ITFG2: variants seen among roughly 807,000 people sequenced by gnomAD.
ITFG2 encodes integrin alpha FG-GAP repeat containing 2.
Under a neutral mutation model 54.4 loss-of-function variants are expected in ITFG2, and 36 were observed. The observed-to-expected ratio is 0.66, with a 90% CI of 0.51 to 0.87. ITFG2 has a LOEUF of 0.87. Among genes scored for constraint, ITFG2 ranks in the 40% least tolerant of loss-of-function variants. The pLI is 0.00. For missense variants in ITFG2, 524 were observed against 576.7 expected, an observed-to-expected ratio of 0.91 and a Z score of 0.94; for synonymous variants, 211 against 225.4, an observed-to-expected ratio of 0.94 and a Z score of 0.57.
chr12:2,828,453 G>A (rs572503732), downstream of ITFG2: 51 of 1,507,512 alleles, frequency 3.4e-5, no homozygotes, highest in South Asian at 5.2e-4. Flanking sequence ...TGAGTCCCTA[G>A]GAGAATGGGT....
intron 2 of ITFG2, chr12:2,849,235 A>G: frequency 6.5e-7 from 1 of 1,535,458 alleles, no homozygotes; most frequent in Admixed American, 2.0e-5. Flanking sequence ...GCCCTTCTAG[A>G]AGTGTCCAGG....
chr12:2,823,846 C>T lies in ITFG2; in HGVS notation c.1143C>T (p.Tyr381=), dbSNP rs765013905. The T allele has an allele frequency of 1.9e-6, 3 of 1,612,752 alleles. No homozygotes were observed. The highest frequency in any genetic ancestry group is 1.7e-5 in the Admixed American group (1 of 59,904). The change falls in exon 11 of 12, where the codon TAC becomes TAT. Residue 381 remains tyrosine (Y), a synonymous_variant. Transcript: ENST00000228799. ...CTTTCAACCAGAAGATCTATGTGTA[C>T]TGGGAGGTGCAGCTGGAGCGGATGG... The part of the protein sequence containing the change: ...YVTFNQKIYV[Y]WEVQLERMES...
At chr12:2,819,907 G>A (rs1323748477) in intron 4 of ITFG2, 179 bp from the exon 5 acceptor site, 2 of 640,994 alleles carry the variant, frequency 3.1e-6, no homozygotes, top group East Asian at 3.0e-5. Context: ...GGAACAGATG[G>A]ACCAAATGGA....
intron 4 of ITFG2, chr12:2,819,704 C>G: frequency 6.2e-6 from 1 of 160,968 alleles, no homozygotes; most frequent in East Asian, 1.8e-4. Flanking sequence ...GTAGAGGTAG[C>G]AATTTTAAAT....
At chr12:2,844,760 C>T (rs1283567285) in intron 2 of ITFG2, among the ~76,000 whole-genome samples, 1 of 152,120 alleles carries the variant, frequency 6.6e-6, no homozygotes, top group African/African-American at 2.4e-5. Context: ...TGGACACGAC[C>T]TCCCCTTCCT....
At chr12:2,833,913 G>A (rs541867809), upstream of ITFG2, among the ~76,000 whole-genome samples, 1 of 152,234 alleles carries the variant, frequency 6.6e-6, no homozygotes, top group Non-Finnish European at 1.5e-5. Flanking sequence ...GCAGAGCCAG[G>A]ATCTGATCCC....
intron 6 of ITFG2, 69 bp from the exon 7 acceptor site, chr12:2,821,193 G>C: frequency 8.3e-7 from 1 of 1,207,292 alleles, no homozygotes; most frequent in Non-Finnish European, 1.2e-6. Context: ...GCAGGGATAG[G>C]GGTTACAAAG....
intron 2 of ITFG2, among the ~76,000 whole-genome samples, chr12:2,847,443 G>A (rs778993484): frequency 3.3e-5 from 5 of 152,026 alleles, no homozygotes; most frequent in East Asian, 3.9e-4. Flanking sequence ...CGAGGTGGGC[G>A]GATCACAAGG....
At chr12:2,830,784 T>A in intron 2 of ITFG2, 1 of 1,613,968 alleles carries the variant, frequency 6.2e-7, no homozygotes, top group Non-Finnish European at 8.5e-7. Flanking sequence ...AATCAGGTCC[T>A]GCATCCGGGG....
At chr12:2,820,649 C>T in intron 5 of ITFG2, 75 bp from the exon 6 acceptor site, 2 of 683,034 alleles carry the variant, frequency 2.9e-6, no homozygotes, top group Non-Finnish European at 2.2e-6. Context: ...CGCCCACCCA[C>T]CGCCCCCTGC....
chr12:2,830,677 A>C (rs539562919), intron 2 of ITFG2: 2 of 1,588,818 alleles, frequency 1.3e-6, no homozygotes, highest in African/African-American at 2.7e-5. Context: ...CAGGGTTGTT[A>C]ATGAAAGTGT....
At chr12:2,818,590 G>C in intron 4 of ITFG2, 1 of 420,200 alleles carries the variant, frequency 2.4e-6, no homozygotes, top group East Asian at 5.3e-5. Context: ...TTGAGGCCAG[G>C]AGTTCCAGGC....
intron 2 of ITFG2, among the ~76,000 whole-genome samples, chr12:2,853,413 C>T (rs888789101): frequency 6.6e-6 from 1 of 152,120 alleles, no homozygotes; most frequent in African/African-American, 2.4e-5. Flanking sequence ...GCTGGGATTA[C>T]AGGCGCCTGC....
Position 2,859,394 on chromosome 12 carries a change from T to C in ITFG2, n.621-140T>C, listed in dbSNP as rs772525416. ...TAAGCCCACTGTAGGACTTCTTGGG[T>C]CTTGGGGTGGGAGATTGGGACGAAT... On this transcript the variant is annotated intron_variant and non_coding_transcript_variant, in intron 3 of 3. Transcript: ENST00000537710. The C allele has an allele frequency of 2.4e-5, 38 of 1,613,452 alleles. 2 individuals carry two copies. In the Middle Eastern group the frequency reaches 3.9e-3, roughly 167 times the overall value.
intron 10 of ITFG2, 142 bp from the exon 11 acceptor site, chr12:2,823,628 G>A (rs962847740): frequency 2.9e-6 from 3 of 1,043,176 alleles, no homozygotes; most frequent in Non-Finnish European, 2.7e-6. Flanking sequence ...GTTCCCAACA[G>A]AGAAGAAATA....
intron 1 of ITFG2, among the ~76,000 whole-genome samples, chr12:2,814,087 G>A (rs117701901): frequency 1.3e-3 from 204 of 152,256 alleles, no homozygotes; most frequent in Non-Finnish European, 2.1e-3. Flanking sequence ...GGGACTACAG[G>A]TGCCTGCCAC....
chr12:2,830,063 C>T (rs1027656389), downstream of ITFG2, among the ~76,000 whole-genome samples: 2 of 151,544 alleles, frequency 1.3e-5, no homozygotes, highest in African/African-American at 4.9e-5. Context: ...GGTGACAGAG[C>T]GAGACTCTGT....
chr12:2,846,835 G>A (rs115077847), intron 2 of ITFG2, among the ~76,000 whole-genome samples: 4 of 152,060 alleles, frequency 2.6e-5, no homozygotes, highest in Non-Finnish European at 4.4e-5. Context: ...CGGACATGGC[G>A]TTAGAAGGAA....
chr12:2,834,745 C>T, upstream of ITFG2: 2 of 1,614,014 alleles, frequency 1.2e-6, no homozygotes, highest in Non-Finnish European at 1.7e-6. Flanking sequence ...GCGCTGCTGG[C>T]TCAGGTGGGC....
Sources: allele counts gnomAD v4.1 joint callset (sites outside exome capture counted in the v4.1 genomes callset), GRCh38; gene constraint gnomAD v4.1.1; transcripts MANE v1.5; gene names NCBI Gene and HGNC (gene_info 2026-07-23, HGNC 2026-07-21).